Variants in CXCL10 observed in about 807,000 individuals in gnomAD.
CXCL10 encodes C-X-C motif chemokine ligand 10, also known as C-X-C motif chemokine 10.
In CXCL10, 6 loss-of-function variants were observed where a neutral mutation model predicts 10.8. That is an observed-to-expected ratio of 0.55 (90% CI 0.30 to 1.09). The LOEUF is 1.09. CXCL10 is among the 50% of genes least tolerant of loss of function. The probability of loss-of-function intolerance (pLI) is 0.06; values close to 1 mark genes in which losing one functional copy is unlikely to be tolerated. For synonymous variants in CXCL10, 35 were observed against 35.8 expected (o/e 0.98, Z 0.08); for missense variants, 114 against 114.3 (o/e 1.00, Z 0.01).
intron 1 of CXCL10, 104 bp from the exon 2 acceptor site, chr4:76,022,921 A>AAT: frequency 5.2e-6 from 6 of 1,149,166 alleles, no homozygotes; most frequent in Non-Finnish European, 7.4e-6. Flanking sequence ...CATATCAGCA[A>AAT]ATAGTCACTT....
intron 2 of CXCL10, 46 bp downstream of exon 2, chr4:76,022,645 T>C (rs760221826): frequency 2.5e-6 from 4 of 1,591,584 alleles, no homozygotes; most frequent in Non-Finnish European, 2.6e-6. Context: ...TAATACAGTA[T>C]ATAATTACAA....
chr4:76,022,177 A>G (rs969521012), intron 3 of CXCL10, among the ~76,000 whole-genome samples, 189 bp downstream of exon 3: 5 of 152,210 alleles, frequency 3.3e-5, no homozygotes, highest in Admixed American at 6.5e-5. Flanking sequence ...ACTGGTAATC[A>G]GGGTAACTTC....
intron 1 of CXCL10, among the ~76,000 whole-genome samples, 170 bp downstream of exon 1, chr4:76,023,201 C>G (rs1439117584): frequency 1.3e-5 from 2 of 152,154 alleles, no homozygotes; most frequent in African/African-American, 4.8e-5. Flanking sequence ...ATTTGTTTCT[C>G]TCACTTCAAT....
At position 76,023,496 on chromosome 4, in the gene CXCL10, T is replaced by C; in HGVS notation, c.-65A>G. The C allele has an allele frequency of 6.9e-7, 1 of 1,443,288 alleles. No homozygotes were observed. The highest frequency in any genetic ancestry group is 1.1e-5 in the South Asian group (1 of 87,538). The allele number at this position is 1,443,288 out of a possible 1,614,324, so 89.4% of individuals were successfully genotyped here. ...TATGTCTAAGCAATTGAGGAATGTCTCAGAAAACGTGGGGCTAGTGTGCCA... is the reference window on the plus strand; with the variant it reads ...TATGTCTAAGCAATTGAGGAATGTCCCAGAAAACGTGGGGCTAGTGTGCCA... On this transcript the variant is annotated 5_prime_UTR_variant, in exon 1 of 4. Transcript: ENST00000306602.
rs767339215 is a variant in CXCL10, at chr4:76,023,463, G to A, written c.-32C>T. The A allele has an allele frequency of 1.3e-6, 2 of 1,594,736 alleles. No homozygotes were observed. Among genetic ancestry groups the A allele is most frequent in the Non-Finnish European group, 1.7e-6 (2 of 1,162,560 alleles). On this transcript the variant is annotated 5_prime_UTR_variant, in exon 1 of 4. Coordinates refer to ENST00000306602, the MANE Select transcript of CXCL10 (RefSeq NM_001565.4). The stretch of plus-strand genomic sequence containing the variant: ...GAGACTGGAGGTTCCTCTGCTGTAG[G>A]CTCAGAATATGTCTAAGCAATTGAG...
In CXCL10 at chr4:76,022,350, G is replaced by A; in HGVS notation, c.278+16C>T. 6.2e-7 allele frequency: 1 copy of A among 1,604,780 alleles called. No individual in the cohort carries two copies. The highest frequency in any genetic ancestry group is 1.3e-5 in the African/African-American group (1 of 74,880). On this transcript the variant is annotated intron_variant, in intron 3 of 3. Transcript: ENST00000306602. ...TTCCTAAAGAGCAATTCTTCTGCAG[G>A]CAACAGCAAACCTACCTTTCCTTGC...
At chr4:76,022,102 C>G (rs1426290400) in intron 3 of CXCL10, among the ~76,000 whole-genome samples, 154 bp from the exon 4 acceptor site, 1 of 152,120 alleles carries the variant, frequency 6.6e-6, no homozygotes, top group Non-Finnish European at 1.5e-5. Flanking sequence ...TTTTTTCAAC[C>G]ATGAAAGACT....
chr4:76,023,252 C>G (rs1263117489), intron 1 of CXCL10, 119 bp downstream of exon 1: 4 of 740,984 alleles, frequency 5.4e-6, no homozygotes, highest in African/African-American at 1.8e-5. Context: ...CTATTTATTT[C>G]CCTCTTATTT....
rs548356549 is a variant in CXCL10 at position 76,022,521 on chromosome 4, G to A, written c.189-66C>T. The A allele has an allele frequency of 5.5e-5, 84 of 1,524,604 alleles. No individual in the cohort carries two copies. The East Asian group carries it at 1.3e-3, about 24-fold the overall frequency. 94.4% of individuals were successfully genotyped at this position (1,524,604 alleles called of 1,614,324 possible). A position where few individuals can be genotyped will look rare whatever the true frequency, so the allele number is the denominator to read the frequency against. On this transcript the variant is annotated intron_variant, in intron 2 of 3. Coordinates refer to ENST00000306602, the MANE Select transcript of CXCL10 (RefSeq NM_001565.4). ...TGGGTCAATAAAACAGATGGCATAC[G>A]CAGTTCTGAAGTCAGACATTTAAGT...
Position 76,021,435 on chromosome 4 carries a change from T to C in CXCL10, c.*495A>G, listed in dbSNP as rs1483559241. ...TTTCAGATATTTCTACCTTCCTGTA[T>C]GTGTTTGGAATTGTATGTAGGTAGC... is the stretch of plus-strand genomic sequence containing the variant. On this transcript the variant is annotated 3_prime_UTR_variant, in exon 4 of 4. Coordinates refer to ENST00000306602, the MANE Select transcript of CXCL10 (RefSeq NM_001565.4). The C allele has an allele frequency of 6.5e-6, 1 of 154,570 alleles. No individual in the cohort carries two copies. Among genetic ancestry groups the C allele is most frequent in the African/African-American group, 2.4e-5 (1 of 41,492 alleles). The allele number at this position is 154,570 out of a possible 1,614,324, so 9.6% of individuals were successfully genotyped here.
At position 76,023,338 on chromosome 4, in the gene CXCL10, T is replaced by C. The variant is rs4241578; in HGVS notation, c.61+33A>G. 858,581 of 1,537,364 alleles carry C rather than the reference T, an allele frequency of 0.56. 247,689 individuals carry two copies. Among genetic ancestry groups the C allele is most frequent in the East Asian group, 0.94 (41,690 of 44,540 alleles). On this transcript the variant is annotated intron_variant, in intron 1 of 3. Transcript: ENST00000306602. ...ATTTATACCTATTCCTATTTCTCAT[T>C]TTACAAATTAAGTATCCTTTGATGT... is the stretch of plus-strand genomic sequence containing the variant.
chr4:76,021,677 A>G lies in CXCL10; in HGVS notation c.*253T>C, dbSNP rs148141229. The G allele has an allele frequency of 8.6e-4, 408 of 473,892 alleles. 3 individuals are homozygous for G. The highest frequency in any genetic ancestry group is 7.3e-3 in the African/African-American group (371 of 50,864). The allele number at this position is 473,892 out of a possible 1,614,324, so 29.4% of individuals were successfully genotyped here. On this transcript the variant is annotated 3_prime_UTR_variant, in exon 4 of 4. Coordinates refer to ENST00000306602, the MANE Select transcript of CXCL10 (RefSeq NM_001565.4). The stretch of plus-strand genomic sequence containing the variant: ...GGGTCAGAACATCCACTAAGAACAT[A>G]GCACCTCAGTAGAGCTTACATTATA...
intron 3 of CXCL10, 77 bp from the exon 4 acceptor site, chr4:76,022,025 C>T (rs1370777202): frequency 8.8e-5 from 116 of 1,317,028 alleles, no homozygotes; most frequent in Non-Finnish European, 1.2e-4. Context: ...TGGAAAGTAC[C>T]GAGTTCATAG....
intron 1 of CXCL10, among the ~76,000 whole-genome samples, chr4:76,023,064 CTTAG>C (rs1690797280): frequency 6.6e-6 from 1 of 152,144 alleles, no homozygotes; most frequent in Admixed American, 6.5e-5. Flanking sequence ...GTTCATTGAG[CTTAG>C]TTAGGTAAGG....
chr4:76,023,494 T>A lies in CXCL10; in HGVS notation c.-63A>T. 6.8e-7 allele frequency: 1 copy of A among 1,474,662 alleles called. No homozygotes were observed. Among genetic ancestry groups the A allele is most frequent in the Non-Finnish European group, 9.5e-7 (1 of 1,053,350 alleles). 91.3% of individuals were successfully genotyped at this position (1,474,662 alleles called of 1,614,324 possible). The stretch of plus-strand genomic sequence containing the variant: ...AATATGTCTAAGCAATTGAGGAATG[T>A]CTCAGAAAACGTGGGGCTAGTGTGC... On this transcript the variant is annotated 5_prime_UTR_variant, in exon 1 of 4. Coordinates refer to ENST00000306602, the MANE Select transcript of CXCL10 (RefSeq NM_001565.4).
At chr4:76,022,868 G>A in intron 1 of CXCL10, 51 bp from the exon 2 acceptor site, 1 of 1,572,296 alleles carries the variant, frequency 6.4e-7, no homozygotes, top group Non-Finnish European at 8.6e-7. Flanking sequence ...TTCATTTTAG[G>A]CATTTAATGT....
intron 3 of CXCL10, 111 bp downstream of exon 3, chr4:76,022,255 A>G (rs2149373771): frequency 1.2e-6 from 1 of 867,374 alleles, no homozygotes; most frequent in East Asian, 2.4e-5. Context: ...GCGTGGTGGT[A>G]ACATACTTTT....
intron 2 of CXCL10, 80 bp downstream of exon 2, chr4:76,022,611 C>CT (rs11298565): frequency 6.7e-7 from 1 of 1,489,726 alleles, no homozygotes; most frequent in Non-Finnish European, 9.1e-7. Flanking sequence ...CTTTACTGAT[C>CT]TTTTTTTATT....
intron 1 of CXCL10, among the ~76,000 whole-genome samples, 161 bp downstream of exon 1, chr4:76,023,210 A>T (rs1367766595): frequency 6.6e-6 from 1 of 151,686 alleles, no homozygotes; most frequent in Non-Finnish European, 1.5e-5. Flanking sequence ...TCTCACTTCA[A>T]TTCATATAAG....
Sources: gnomAD v4.1 joint callset for allele counts (sites outside exome capture counted in the v4.1 genomes callset) on GRCh38, gnomAD v4.1.1 for gene constraint, MANE v1.5 for transcripts, NCBI Gene and HGNC (gene_info 2026-07-23, HGNC 2026-07-21) for gene names.